The following RDH13 variants were observed in gnomAD, a reference collection of about 807,000 sequenced individuals.
RDH13 encodes retinol dehydrogenase 13, also known as retinol dehydrogenase 13 (all-trans and 9-cis).
A neutral mutation model predicts 28.3 loss-of-function variants in RDH13; 35 were observed. The ratio of observed to expected loss-of-function variants is 1.24; its 90% CI spans 0.95 to 1.64. The LOEUF (loss-of-function observed/expected upper bound fraction) is 1.64, where lower values mean the gene tolerates loss of function less well. Among genes scored for constraint, RDH13 ranks in the 40% most tolerant of loss-of-function variants. The pLI, the probability that RDH13 is intolerant of heterozygous loss-of-function variation, is 0.00. For synonymous variants in RDH13, 229 were observed against 198.5 expected (o/e 1.15, Z -1.29); for missense variants, 514 against 446.3 (o/e 1.15, Z -1.37).
In RDH13 at chr19:55,056,656, C is replaced by G. The variant is rs1177374046; in HGVS notation, c.337G>C (p.Glu113Gln). The change falls in exon 3 of 7, where the codon GAA (glutamate) becomes CAA (glutamine). Residue 113 changes from glutamate to glutamine, a missense_variant. Coordinates refer to ENST00000415061, the MANE Select transcript of RDH13 (RefSeq NM_001145971.2). ...CACATGGCCAGCGTTCTCCTACCTT[C>G]AATGATCTTTGCTGCAAACTCTCGG... Reference protein sequence around the residue: ...SIREFAAKIIEEEERVDILIN... With the variant: ...SIREFAAKIIQEEERVDILIN... The G allele has an allele frequency of 1.9e-6, 3 of 1,614,050 alleles. No homozygotes were observed. Among genetic ancestry groups the G allele is most frequent in the Admixed American group, 3.3e-5 (2 of 59,988 alleles).
chr19:55,053,536 G>T (rs1440631429), intron 3 of RDH13, among the ~76,000 whole-genome samples: 1 of 151,806 alleles, frequency 6.6e-6, no homozygotes, highest in East Asian at 1.9e-4. Context: ...GGCGCCTGTA[G>T]TCCCCCGCCA....
At chr19:55,063,155 G>C (rs868553204), upstream of RDH13, 9 of 919,924 alleles carry the variant, frequency 9.8e-6, no homozygotes, top group Non-Finnish European at 1.3e-5. Flanking sequence ...GCGCAGGCGC[G>C]GCTGGGCCCG....
At chr19:55,065,321 C>G (rs2075941174), upstream of RDH13, among the ~76,000 whole-genome samples, 4 of 151,628 alleles carry the variant, frequency 2.6e-5, no homozygotes, top group South Asian at 8.3e-4. Context: ...GAGGTCAAGG[C>G]TATGATGAGC....
intron 6 of RDH13, among the ~76,000 whole-genome samples, chr19:55,045,676 T>G (rs952453893): frequency 6.6e-6 from 1 of 152,044 alleles, no homozygotes; most frequent in Non-Finnish European, 1.5e-5. Context: ...CCAGGCGAGG[T>G]GGCTCAGGCC....
chr19:55,056,582 T>C lies in RDH13; in HGVS notation c.340+71A>G, dbSNP rs1021049589. On this transcript the variant is annotated intron_variant, in intron 3 of 6. Coordinates refer to ENST00000415061, the MANE Select transcript of RDH13 (RefSeq NM_001145971.2). ...CTGCTCTAAAGTTTGCTTGCTTCAT[T>C]CACTTCTCAGAGCCTGGCCCTGGGA... 5.2e-6 allele frequency: 8 copies of C among 1,549,520 alleles called. No homozygotes were observed. In the Admixed American group the frequency reaches 1.5e-4, roughly 30 times the overall value.
chr19:55,051,226 C>G (rs985220656), intron 3 of RDH13, among the ~76,000 whole-genome samples: 1 of 152,102 alleles, frequency 6.6e-6, no homozygotes, highest in African/African-American at 2.4e-5. Flanking sequence ...TGCGTGGAAG[C>G]TGACAGGAGG....
In RDH13 at chr19:55,045,062, CT is replaced by C. The variant is rs1287905475; in HGVS notation, c.*11del. The C allele has an allele frequency of 1.9e-6, 3 of 1,560,742 alleles. No homozygotes were observed. Among genetic ancestry groups the C allele is most frequent in the Non-Finnish European group, 2.6e-6 (3 of 1,151,440 alleles). ...GGAGGCGCCATCCTGGCTTTCAAAT[CT>C]GCTCCAGAGGTTATCTGGGGAGGGG... On this transcript the variant is annotated 3_prime_UTR_variant, in exon 7 of 7. Transcript: ENST00000415061.
chr19:55,051,743 C>A (rs977910479), intron 3 of RDH13, among the ~76,000 whole-genome samples: 1 of 135,554 alleles, frequency 7.4e-6, no homozygotes, highest in Non-Finnish European at 1.6e-5. Context: ...TTTTTTTTTT[C>A]TTTTTATGAG....
upstream of RDH13, chr19:55,067,105 TC>T (rs2075976445): frequency 6.6e-6 from 1 of 152,200 alleles, no homozygotes; most frequent in East Asian, 1.9e-4. Context: ...ATTTTATTCA[TC>T]CTTGCTGCAT....
intron 6 of RDH13, 121 bp downstream of exon 6, chr19:55,047,266 G>A (rs548483592): frequency 1.9e-5 from 28 of 1,466,068 alleles, no homozygotes; most frequent in East Asian, 5.0e-5. Flanking sequence ...CTCAGAAGAC[G>A]TAGGCGAGGA....
At chr19:55,052,063 CTTTTTTT>C (rs111427426) in intron 3 of RDH13, among the ~76,000 whole-genome samples, 3 of 120,734 alleles carry the variant, frequency 2.5e-5, no homozygotes, top group African/African-American at 6.8e-5. Flanking sequence ...ACTGCCTCAA[CTTTTTTT>C]TTTTTTTTTT....
chr19:55,063,399 CA>C, upstream of RDH13: 1 of 274,926 alleles, frequency 3.6e-6, no homozygotes, highest in East Asian at 6.2e-5. Flanking sequence ...CGAATCCCAC[CA>C]CTGTCAATTC....
downstream of RDH13, among the ~76,000 whole-genome samples, chr19:55,039,986 A>G (rs1270218544): frequency 6.6e-6 from 1 of 152,204 alleles, no homozygotes; most frequent in Non-Finnish European, 1.5e-5. Flanking sequence ...AGAGGAGTCA[A>G]ATTCATAGAG....
chr19:55,053,763 G>T (rs538730410), intron 3 of RDH13: 1 of 152,152 alleles, frequency 6.6e-6, no homozygotes, highest in Non-Finnish European at 1.5e-5. Context: ...CTGCCCAGGT[G>T]TGTCCAGCCG....
At chr19:55,047,959 G>A in intron 5 of RDH13, 1 of 1,005,356 alleles carries the variant, frequency 9.9e-7, no homozygotes, top group South Asian at 1.7e-5. Context: ...CAGATGCCCA[G>A]AGCAATCTCT....
At chr19:55,045,354 G>A in intron 6 of RDH13, 45 bp from the exon 7 acceptor site, 2 of 1,482,586 alleles carry the variant, frequency 1.3e-6, no homozygotes, top group South Asian at 1.2e-5. Context: ...CGCTCAGAGA[G>A]AAGGAAGGAA....
chr19:55,068,133 C>G (rs1368989714), upstream of RDH13, among the ~76,000 whole-genome samples: 1 of 150,042 alleles, frequency 6.7e-6, no homozygotes, highest in Non-Finnish European at 1.5e-5. Context: ...CTCTTTCTTC[C>G]TCTCTTTCTC....
At chr19:55,050,191 A>C in intron 3 of RDH13, among the ~76,000 whole-genome samples, 1 of 150,442 alleles carries the variant, frequency 6.6e-6, no homozygotes, top group African/African-American at 2.5e-5. Flanking sequence ...ATCTTGGCTC[A>C]CTGCAACCTC....
chr19:55,040,530 A>T (rs573395706), downstream of RDH13: 2 of 152,336 alleles, frequency 1.3e-5, no homozygotes, highest in South Asian at 4.1e-4. Flanking sequence ...CCTCCCTGCC[A>T]TCATCTTCCC....
Sources: gnomAD v4.1 joint callset for allele counts (sites outside exome capture counted in the v4.1 genomes callset) on GRCh38, gnomAD v4.1.1 for gene constraint, MANE v1.5 for transcripts, NCBI Gene and HGNC (gene_info 2026-07-23, HGNC 2026-07-21) for gene names.